SRP54: variants seen among roughly 807,000 people sequenced by gnomAD.
SRP54 encodes signal recognition particle subunit SRP54.
In SRP54, 10 loss-of-function variants were observed where a neutral mutation model predicts 64.8. That is an observed-to-expected ratio of 0.15 (90% confidence interval 0.10 to 0.26). SRP54 has a LOEUF of 0.26. Ranked by LOEUF, SRP54 falls within the 10% of genes least tolerant of loss-of-function variation. The pLI, the probability that SRP54 is intolerant of heterozygous loss-of-function variation, is 1.00. For missense variants in SRP54, 325 were observed against 613.7 expected (o/e 0.53, Z 4.97); for synonymous variants, 193 against 185.6 (o/e 1.04, Z -0.32).
chr14:35,026,168 G>GGCTCAGAGTGCAT (rs147264016), intron 14 of SRP54, among the ~76,000 whole-genome samples: 1 of 151,314 alleles, frequency 6.6e-6, no homozygotes. Context: ...TATCTATTCT[G>GGCTCAGAGTGCAT]TTGTTGTTTT....
chr14:35,014,290 T>TTTGTTTTTTTTTTTTGTTTTTTTG (rs1555354851), intron 10 of SRP54, among the ~76,000 whole-genome samples: 1 of 127,284 alleles, frequency 7.9e-6, no homozygotes, highest in African/African-American at 2.9e-5. Flanking sequence ...TTTTTTTTTT[T>TTTGTTTTTTTTTTTTGTTTTTTTG]TTTTGAGACG....
chr14:35,026,768 C>T (rs1019389415), intron 14 of SRP54, among the ~76,000 whole-genome samples: 1 of 152,040 alleles, frequency 6.6e-6, no homozygotes, highest in Non-Finnish European at 1.5e-5. Flanking sequence ...AATGGTGAAA[C>T]CCTGTCTCTA....
chr14:34,985,989 A>G (rs1197804522), intron 1 of SRP54, among the ~76,000 whole-genome samples: 2 of 152,038 alleles, frequency 1.3e-5, no homozygotes, highest in Non-Finnish European at 2.9e-5. Context: ...TTTCCAAGGA[A>G]TTCTTTTGAT....
At chr14:35,028,926 T>C in intron 15 of SRP54, 135 bp from the exon 16 acceptor site, 1 of 642,280 alleles carries the variant, frequency 1.6e-6, no homozygotes, top group Middle Eastern at 2.8e-4. Context: ...GGTGGTACGT[T>C]CTTTAAGGCT....
At chr14:34,992,366 G>T (rs1242214004) in intron 1 of SRP54, among the ~76,000 whole-genome samples, 1 of 151,952 alleles carries the variant, frequency 6.6e-6, no homozygotes, top group Non-Finnish European at 1.5e-5. Context: ...AAAGTATATT[G>T]GAAAACCTCA....
At chr14:35,015,034 G>A (rs1479097783) in intron 11 of SRP54, among the ~76,000 whole-genome samples, 4 of 151,984 alleles carry the variant, frequency 2.6e-5, no homozygotes, top group African/African-American at 2.4e-5. Flanking sequence ...TTTCTTTATT[G>A]TAATAAAATT....
intron 10 of SRP54, 129 bp from the exon 11 acceptor site, chr14:35,014,615 T>G: frequency 1.5e-6 from 1 of 682,952 alleles, no homozygotes; most frequent in Admixed American, 2.8e-5. Context: ...GTTTTCTCAT[T>G]TGTGTAGTGT....
chr14:35,029,008 G>A, intron 15 of SRP54, 53 bp from the exon 16 acceptor site: 2 of 1,417,114 alleles, frequency 1.4e-6, no homozygotes, highest in Non-Finnish European at 2.0e-6. Context: ...AATGTTTCCA[G>A]TTCTGCTTAA....
At chr14:34,999,830 T>G in intron 3 of SRP54, 181 bp downstream of exon 3, 1 of 441,718 alleles carries the variant, frequency 2.3e-6, no homozygotes, top group Non-Finnish European at 4.1e-6. Context: ...TAATGATGGT[T>G]CAAAGAATAA....
chr14:35,011,750 T>C, intron 8 of SRP54, 91 bp downstream of exon 8: 1 of 1,183,752 alleles, frequency 8.4e-7, no homozygotes, highest in Non-Finnish European at 1.1e-6. Flanking sequence ...TAAATTATTC[T>C]TTGCCTGTGA....
At position 35,022,987 on chromosome 14, in the gene SRP54, G is replaced by A. The variant is rs1466369729; in HGVS notation, c.1234G>A (p.Val412Ile). Residue 412 changes from valine (V) to isoleucine (I), a missense_variant, in exon 14 of 16, where the codon GTA becomes ATA. Physicochemically the swap from Val to Ile is conservative, Grantham distance 29. Around this residue, in one of 3 missense-constraint regions of SRP54, gnomAD observed 146 missense variants for 337.4 expected, o/e 0.43. Coordinates refer to ENST00000216774, the MANE Select transcript of SRP54 (RefSeq NM_003136.4). ...RIQRVARGSGVSTRDVQELLT... is the reference protein window; with the variant it reads ...RIQRVARGSGISTRDVQELLT... The stretch of plus-strand genomic sequence containing the variant: ...CCAAAGAGTAGCAAGAGGATCGGGT[G>A]TATCAACAAGAGATGTTCAAGAACT... 1.2e-6 allele frequency: 2 copies of A among 1,613,834 alleles called. No homozygotes were observed. The highest frequency in any genetic ancestry group is 1.7e-6 in the Non-Finnish European group (2 of 1,179,960).
chr14:35,005,736 C>A (rs1208848515), intron 4 of SRP54, among the ~76,000 whole-genome samples: 1 of 152,172 alleles, frequency 6.6e-6, no homozygotes, highest in African/African-American at 2.4e-5. Context: ...TTTACCAACC[C>A]CTGATCTAGG....
chr14:35,013,295 A>G (rs1176998514), intron 8 of SRP54, 51 bp from the exon 9 acceptor site: 12 of 1,519,382 alleles, frequency 7.9e-6, no homozygotes, highest in Non-Finnish European at 9.1e-6. Context: ...ACATTTGCTT[A>G]GGATCAATAA....
chr14:34,993,195 A>G (rs1042948190), intron 1 of SRP54: 4 of 152,324 alleles, frequency 2.6e-5, no homozygotes, highest in East Asian at 1.9e-4. Flanking sequence ...TGATCTGTTT[A>G]TGACATGACC....
intron 1 of SRP54, among the ~76,000 whole-genome samples, chr14:34,988,595 A>ATATATCATAT (rs71121253): frequency 8.3e-6 from 1 of 120,284 alleles, no homozygotes; most frequent in Non-Finnish European, 1.8e-5. Context: ...ATATATATAT[A>ATATATCATAT]ACATATATAT....
chr14:35,023,203 A>T, intron 14 of SRP54, 123 bp downstream of exon 14: 1 of 737,240 alleles, frequency 1.4e-6, no homozygotes, highest in Non-Finnish European at 2.1e-6. Context: ...TACTTCCAGG[A>T]TTTATGTGAC....
chr14:35,029,091 G>T lies in SRP54; in HGVS notation c.1454G>T (p.Arg485Met). ...GGMAGLQSMM[R>M]QFQQGAAGNM... ...ATGGCAGGACTTCAGTCAATGATGA[G>T]GCAGTTTCAACAGGGTGCTGCTGGC... The change falls in exon 16 of 16, where the codon AGG (arginine) becomes ATG (methionine). Residue 485 changes from arginine to methionine, a missense_variant. Transcript: ENST00000216774. 1.2e-6 allele frequency: 2 copies of T among 1,613,548 alleles called. No individual in the cohort carries two copies. Among genetic ancestry groups the T allele is most frequent in the Non-Finnish European group, 1.7e-6 (2 of 1,179,800 alleles).
At chr14:34,993,878 A>C (rs753830385) in intron 1 of SRP54, among the ~76,000 whole-genome samples, 104 of 152,172 alleles carry the variant, frequency 6.8e-4, no homozygotes, top group Admixed American at 1.6e-3. Context: ...TATTTTTAGT[A>C]GAGACGGGGT....
intron 13 of SRP54, among the ~76,000 whole-genome samples, chr14:35,021,917 A>T (rs1367566271): frequency 6.6e-6 from 1 of 152,222 alleles, no homozygotes; most frequent in African/African-American, 2.4e-5. Context: ...CATTCCTGAG[A>T]TTGCATGCAA....
Sources: allele counts gnomAD v4.1 joint callset (sites outside exome capture counted in the v4.1 genomes callset), GRCh38; gene constraint gnomAD v4.1.1; regional missense constraint gnomAD v4.1.1; transcripts MANE v1.5; gene names NCBI Gene and HGNC (gene_info 2026-07-23, HGNC 2026-07-21).